GAS7: variants seen among roughly 807,000 people sequenced by gnomAD.
The protein encoded by GAS7 is growth arrest specific 7, also known as growth arrest-specific protein 7.
GAS7 carries 28 observed loss-of-function variants against 71.1 expected under a neutral mutation model. That is an observed-to-expected ratio of 0.39 (90% CI 0.29 to 0.54). GAS7 has a LOEUF of 0.54. Ranked by LOEUF, GAS7 falls within the 20% of genes least tolerant of loss-of-function variation. The probability of loss-of-function intolerance (pLI) is 0.62; values close to 1 mark genes in which losing one functional copy is unlikely to be tolerated. For synonymous variants in GAS7, 258 were observed against 245.8 expected, an observed-to-expected ratio of 1.05 and a Z score of -0.46; for missense variants, 436 against 627.8, an observed-to-expected ratio of 0.69 and a Z score of 3.27.
chr17:9,958,949 G>A lies in GAS7; in HGVS notation c.525+253C>T, dbSNP rs77251675. The A allele has an allele frequency of 4.2e-4, 584 of 1,383,112 alleles. 4 individuals are homozygous for A. The African/African-American group carries it at 7.4e-3, about 18-fold the overall frequency. The allele number at this position is 1,383,112 out of a possible 1,614,324, so 85.7% of individuals were successfully genotyped here. A position where few individuals can be genotyped will look rare whatever the true frequency, so the allele number is the denominator to read the frequency against. On this transcript the variant is annotated intron_variant, in intron 5 of 13. Coordinates refer to ENST00000432992, the MANE Select transcript of GAS7 (RefSeq NM_201433.2). ...CCTTCCCCTCCTGCCCTGAAAAAAC[G>A]GCTTCTGCATCATCCCAGCCATCCT...
intron 1 of GAS7, among the ~76,000 whole-genome samples, chr17:10,126,536 CACAA>C (rs2073951813): frequency 3.4e-5 from 1 of 29,718 alleles, no homozygotes; most frequent in Non-Finnish European, 7.8e-5. Context: ...CAAGCACACA[CACAA>C]AGAGCGCACA....
At chr17:9,978,178 C>A (rs909725007) in intron 3 of GAS7, among the ~76,000 whole-genome samples, 1 of 151,630 alleles carries the variant, frequency 6.6e-6, no homozygotes, top group Admixed American at 6.6e-5. Context: ...CACACCACTG[C>A]ACTCCAGCCT....
intron 1 of GAS7, among the ~76,000 whole-genome samples, chr17:10,093,052 A>G (rs1439515085): frequency 6.6e-6 from 1 of 152,236 alleles, no homozygotes; most frequent in Non-Finnish European, 1.5e-5. Context: ...GCCAGTCTTT[A>G]GTCCACCATA....
At chr17:10,137,409 T>C (rs2074047576) in intron 1 of GAS7, among the ~76,000 whole-genome samples, 1 of 151,744 alleles carries the variant, frequency 6.6e-6, no homozygotes, top group Non-Finnish European at 1.5e-5. Flanking sequence ...CTTCATAGTA[T>C]ATATAGCTTA....
At chr17:10,022,024 G>A (rs1449412081) in intron 1 of GAS7, among the ~76,000 whole-genome samples, 8 of 152,270 alleles carry the variant, frequency 5.3e-5, no homozygotes, top group Admixed American at 3.3e-4. Context: ...TTGGGAGGCC[G>A]AGGTGGAAGA....
At chr17:10,035,513 C>T (rs1363627391) in intron 1 of GAS7, among the ~76,000 whole-genome samples, 1 of 152,198 alleles carries the variant, frequency 6.6e-6, no homozygotes, top group Admixed American at 6.5e-5. Flanking sequence ...TCTCCCTTCC[C>T]CTGGCACTGT....
chr17:10,039,941 A>T (rs1346315650), intron 1 of GAS7: 2 of 323,300 alleles, frequency 6.2e-6, no homozygotes, highest in Non-Finnish European at 1.2e-5. Flanking sequence ...TACATGCCTG[A>T]CAGCAGGGCC....
chr17:10,013,472 C>G (rs2071862043), intron 2 of GAS7, among the ~76,000 whole-genome samples: 1 of 152,158 alleles, frequency 6.6e-6, no homozygotes, highest in Non-Finnish European at 1.5e-5. Context: ...ACAAGACAAG[C>G]AATTTCCTGA....
chr17:9,985,164 C>T (rs951408573), intron 2 of GAS7, among the ~76,000 whole-genome samples: 1 of 152,160 alleles, frequency 6.6e-6, no homozygotes, highest in African/African-American at 2.4e-5. Flanking sequence ...TTCTCCATGT[C>T]ACTCCAGAGC....
chr17:10,150,414 G>T (rs2074155648), intron 1 of GAS7, among the ~76,000 whole-genome samples: 2 of 64,300 alleles, frequency 3.1e-5, no homozygotes, highest in East Asian at 3.3e-4. Flanking sequence ...AACTGGTTAA[G>T]TACACACACA....
chr17:10,165,008 G>C (rs1392163400), intron 1 of GAS7, among the ~76,000 whole-genome samples: 1 of 151,782 alleles, frequency 6.6e-6, no homozygotes. Context: ...AAATTAGCTG[G>C]GCGTGGTGGC....
At chr17:10,162,016 G>A (rs943198596) in intron 1 of GAS7, among the ~76,000 whole-genome samples, 3 of 139,696 alleles carry the variant, frequency 2.1e-5, no homozygotes. Context: ...GCAGTGAGCC[G>A]AGATTGTGCC....
intron 1 of GAS7, among the ~76,000 whole-genome samples, chr17:10,162,100 G>C (rs1003174821): frequency 1.4e-4 from 20 of 146,266 alleles, no homozygotes; most frequent in African/African-American, 4.6e-4. Context: ...CGCCTTCCCA[G>C]AATGCTGGCA....
At chr17:10,150,641 T>C (rs1189078254) in intron 1 of GAS7, among the ~76,000 whole-genome samples, 1 of 136,728 alleles carries the variant, frequency 7.3e-6, no homozygotes, top group Middle Eastern at 3.8e-3. Flanking sequence ...CAGACTGGAG[T>C]GCAGTGGCAC....
chr17:9,943,266 A>C (rs201615240), intron 6 of GAS7, 30 bp from the exon 7 acceptor site: 1 of 1,292,702 alleles, frequency 7.7e-7, no homozygotes, highest in Non-Finnish European at 1.1e-6. Flanking sequence ...ACAAGAGTTT[A>C]GGGCACGTCT....
At chr17:10,172,552 AG>A (rs1175693560) in intron 1 of GAS7, among the ~76,000 whole-genome samples, 1 of 152,250 alleles carries the variant, frequency 6.6e-6, no homozygotes, top group Non-Finnish European at 1.5e-5. Context: ...AGAAACAGAA[AG>A]GGAGACAATC....
intron 1 of GAS7, among the ~76,000 whole-genome samples, chr17:10,101,928 T>C (rs10491091): frequency 0.038 from 5,705 of 152,080 alleles, 411 homozygotes; most frequent in East Asian, 0.29. Flanking sequence ...GCCTGTCTTC[T>C]ATGAAATTTT....
chr17:10,019,345 C>T (rs1178917948), intron 2 of GAS7, among the ~76,000 whole-genome samples: 1 of 152,088 alleles, frequency 6.6e-6, no homozygotes, highest in Non-Finnish European at 1.5e-5. Flanking sequence ...CATTTGCAAC[C>T]CCTGTATTGA....
At chr17:10,000,726 C>A (rs2071237014) in intron 2 of GAS7, among the ~76,000 whole-genome samples, 1 of 152,204 alleles carries the variant, frequency 6.6e-6, no homozygotes, top group Non-Finnish European at 1.5e-5. Flanking sequence ...GTGGAGCCAG[C>A]TAGGTGGGAT....
Sources: allele counts gnomAD v4.1 joint callset (sites outside exome capture counted in the v4.1 genomes callset), GRCh38; gene constraint gnomAD v4.1.1; transcripts MANE v1.5; gene names NCBI Gene and HGNC (gene_info 2026-07-23, HGNC 2026-07-21).